Variants in PDZRN4 observed in about 807,000 individuals in gnomAD.
The protein encoded by PDZRN4 is PDZ domain-containing RING finger protein 4.
Under a neutral mutation model 99.0 loss-of-function variants are expected in PDZRN4, and 70 were observed. The ratio of observed to expected loss-of-function variants is 0.71; its 90% CI spans 0.58 to 0.86. The LOEUF (loss-of-function observed/expected upper bound fraction) is 0.86. Among genes scored for constraint, PDZRN4 ranks in the 40% least tolerant of loss-of-function variants. The probability of loss-of-function intolerance (pLI) is 0.00; values close to 1 mark genes in which losing one functional copy is unlikely to be tolerated. For synonymous variants in PDZRN4, 551 were observed against 501.6 expected (o/e 1.10, Z -1.32); for missense variants, 1,474 against 1,331.2 (o/e 1.11, Z -1.67).
intron 5 of PDZRN4, among the ~76,000 whole-genome samples, chr12:41,517,258 G>T (rs1453234759): frequency 6.6e-5 from 10 of 151,954 alleles, no homozygotes; most frequent in Admixed American, 4.6e-4. Context: ...TTTTACCAGG[G>T]ATCTAGATAT....
chr12:41,465,393 GTTAT>G (rs1952915410), intron 3 of PDZRN4, among the ~76,000 whole-genome samples: 1 of 151,980 alleles, frequency 6.6e-6, no homozygotes, highest in Non-Finnish European at 1.5e-5. Flanking sequence ...AACAACTGAG[GTTAT>G]TTTTTTTAAA....
At chr12:41,339,524 T>C (rs1180636528) in intron 3 of PDZRN4, among the ~76,000 whole-genome samples, 2 of 152,042 alleles carry the variant, frequency 1.3e-5, no homozygotes, top group Non-Finnish European at 2.9e-5. Flanking sequence ...CAAAGATTTC[T>C]TAAGTAATAC....
At chr12:41,267,459 C>G (rs1195750026) in intron 3 of PDZRN4, among the ~76,000 whole-genome samples, 1 of 151,858 alleles carries the variant, frequency 6.6e-6, no homozygotes, top group Non-Finnish European at 1.5e-5. Flanking sequence ...GAAGAGAGAA[C>G]CAGGGTTTTC....
At chr12:41,505,820 A>G (rs1938196633) in intron 3 of PDZRN4, among the ~76,000 whole-genome samples, 1 of 149,680 alleles carries the variant, frequency 6.7e-6, no homozygotes, top group African/African-American at 2.4e-5. Flanking sequence ...GAATATAAAT[A>G]TAAAGCCGGA....
intron 3 of PDZRN4, among the ~76,000 whole-genome samples, chr12:41,267,129 C>G (rs1264277560): frequency 6.6e-6 from 1 of 152,080 alleles, no homozygotes; most frequent in Non-Finnish European, 1.5e-5. Flanking sequence ...CCAAGATAAA[C>G]CTATCCAGAC....
intron 3 of PDZRN4, among the ~76,000 whole-genome samples, chr12:41,228,880 T>G (rs1032920603): frequency 6.6e-6 from 1 of 152,072 alleles, no homozygotes; most frequent in Non-Finnish European, 1.5e-5. Flanking sequence ...GAATTGTTCC[T>G]ACAGAGATAA....
At chr12:41,518,641 A>C (rs1488571855) in intron 5 of PDZRN4, among the ~76,000 whole-genome samples, 1 of 152,152 alleles carries the variant, frequency 6.6e-6, no homozygotes, top group African/African-American at 2.4e-5. Flanking sequence ...CTTACAAGCA[A>C]TATATGAGAG....
chr12:41,256,581 C>T (rs556884549), intron 3 of PDZRN4, among the ~76,000 whole-genome samples: 8 of 152,290 alleles, frequency 5.3e-5, no homozygotes, highest in African/African-American at 1.9e-4. Context: ...ACTTTTAGGG[C>T]TTCCAGAACT....
At chr12:41,306,317 G>C (rs890076310) in intron 3 of PDZRN4, among the ~76,000 whole-genome samples, 1 of 152,226 alleles carries the variant, frequency 6.6e-6, no homozygotes, top group Non-Finnish European at 1.5e-5. Context: ...TGTTGGGTCT[G>C]TTGAAACTGA....
chr12:41,223,663 G>A (rs1028207289), intron 3 of PDZRN4, among the ~76,000 whole-genome samples: 1 of 152,136 alleles, frequency 6.6e-6, no homozygotes, highest in Non-Finnish European at 1.5e-5. Context: ...TGGTCACTTA[G>A]GACAGTGAGC....
intron 3 of PDZRN4, among the ~76,000 whole-genome samples, chr12:41,367,399 C>T (rs1439637976): frequency 6.6e-6 from 1 of 152,028 alleles, no homozygotes; most frequent in Non-Finnish European, 1.5e-5. Flanking sequence ...CTCCCAACTA[C>T]TCAGGAGGCT....
At chr12:41,555,091 C>A (rs1388302972) in intron 6 of PDZRN4, among the ~76,000 whole-genome samples, 3 of 146,128 alleles carry the variant, frequency 2.1e-5, no homozygotes, top group African/African-American at 5.1e-5. Context: ...ATTAGCCAGG[C>A]GTGGTGGCAG....
intron 3 of PDZRN4, among the ~76,000 whole-genome samples, chr12:41,484,523 C>T (rs1937737432): frequency 6.6e-6 from 1 of 152,158 alleles, no homozygotes; most frequent in South Asian, 2.1e-4. Flanking sequence ...AGGAGCATCC[C>T]ACCACAATGA....
At chr12:41,228,576 G>A (rs796218165) in intron 3 of PDZRN4, among the ~76,000 whole-genome samples, 3 of 152,228 alleles carry the variant, frequency 2.0e-5, no homozygotes, top group East Asian at 1.9e-4. Flanking sequence ...AGGATCCCAG[G>A]AGAATGTTAT....
chr12:41,321,101 T>C (rs562291401), intron 3 of PDZRN4, among the ~76,000 whole-genome samples: 10 of 152,336 alleles, frequency 6.6e-5, no homozygotes, highest in South Asian at 6.2e-4. Flanking sequence ...TTTTCTTACA[T>C]ACTGGGAAAC....
chr12:41,283,628 G>A (rs375693162), intron 3 of PDZRN4, among the ~76,000 whole-genome samples: 34 of 152,068 alleles, frequency 2.2e-4, no homozygotes, highest in African/African-American at 7.5e-4. Context: ...CTGGCAAACC[G>A]AATCCAGCAG....
chr12:41,559,718 A>T (rs1413712832), intron 7 of PDZRN4, among the ~76,000 whole-genome samples: 2 of 152,120 alleles, frequency 1.3e-5, no homozygotes, highest in Non-Finnish European at 2.9e-5. Context: ...ATATGGTTTA[A>T]CTATGTCCCC....
At chr12:41,406,128 A>G (rs967841604) in intron 3 of PDZRN4, among the ~76,000 whole-genome samples, 9 of 152,190 alleles carry the variant, frequency 5.9e-5, no homozygotes, top group African/African-American at 1.9e-4. Flanking sequence ...AAAACATTAA[A>G]TGTATCCAAA....
At chr12:41,265,763 G>A (rs1951271641) in intron 3 of PDZRN4, among the ~76,000 whole-genome samples, 2 of 152,104 alleles carry the variant, frequency 1.3e-5, no homozygotes, top group Admixed American at 6.6e-5. Flanking sequence ...TTAAATCAAT[G>A]TATTGTAAAG....
Sources: allele counts gnomAD v4.1 joint callset (sites outside exome capture counted in the v4.1 genomes callset), GRCh38; gene constraint gnomAD v4.1.1; transcripts MANE v1.5; gene names NCBI Gene and HGNC (gene_info 2026-07-23, HGNC 2026-07-21).